Variants in SUFU observed in about 807,000 individuals in gnomAD.
The protein encoded by SUFU is SUFU negative regulator of hedgehog signaling.
Under a neutral mutation model 58.9 loss-of-function variants are expected in SUFU, and 7 were observed. The ratio of observed to expected loss-of-function variants is 0.12; its 90% confidence interval spans 0.07 to 0.22. SUFU has a LOEUF of 0.22. SUFU is among the 10% of genes least tolerant of loss of function. SUFU has a pLI of 1.00. For missense variants in SUFU, 451 were observed against 641.3 expected, an observed-to-expected ratio of 0.70 and a Z score of 3.20; for synonymous variants, 232 against 254.8, an observed-to-expected ratio of 0.91 and a Z score of 0.85.
At chr10:102,514,041 C>T (rs1439676878) in intron 2 of SUFU, among the ~76,000 whole-genome samples, 2 of 152,002 alleles carry the variant, frequency 1.3e-5, no homozygotes, top group Non-Finnish European at 2.9e-5. Context: ...TGCACCACCA[C>T]ACCCGGCAAA....
chr10:102,568,987 T>C (rs2063134586), intron 3 of SUFU, among the ~76,000 whole-genome samples: 1 of 138,198 alleles, frequency 7.2e-6, no homozygotes, highest in African/African-American at 2.7e-5. Flanking sequence ...TGTAATTGTA[T>C]GGCATTTCAT....
chr10:102,546,617 G>A (rs943247326), intron 2 of SUFU, among the ~76,000 whole-genome samples: 1 of 152,222 alleles, frequency 6.6e-6, no homozygotes, highest in Admixed American at 6.5e-5. Flanking sequence ...TCCAGACCAA[G>A]CCAGGCCCCT....
chr10:102,593,162 G>T (rs2135868744), intron 4 of SUFU, among the ~76,000 whole-genome samples: 1 of 152,254 alleles, frequency 6.6e-6, no homozygotes, highest in African/African-American at 2.4e-5. Context: ...TTACACAAAG[G>T]CCTATCCCCT....
chr10:102,542,871 G>A (rs555124958), intron 2 of SUFU, among the ~76,000 whole-genome samples: 3 of 151,146 alleles, frequency 2.0e-5, no homozygotes, highest in African/African-American at 7.3e-5. Context: ...GCAATCTACC[G>A]GCTTTGGCCT....
In SUFU at chr10:102,632,823, C is replaced by T. The variant is rs11594179; in HGVS notation, c.*2668C>T. On this transcript the variant is annotated 3_prime_UTR_variant, in exon 12 of 12. Transcript: ENST00000369902. The stretch of plus-strand genomic sequence containing the variant: ...CTCTTTGCCTGCTATATAAGGCAGG[C>T]TCCTGTGGCTCTGCTGGCTCAGTGT... 0.18 allele frequency: 41,489 copies of T among 233,262 alleles called. 4,342 individuals carry two copies. Among genetic ancestry groups the T allele is most frequent in the Non-Finnish European group, 0.22 (26,328 of 118,126 alleles). The allele number at this position is 233,262 out of a possible 1,614,324, so 14.4% of individuals were successfully genotyped here.
intron 2 of SUFU, among the ~76,000 whole-genome samples, chr10:102,511,444 C>G (rs1384175843): frequency 6.6e-6 from 1 of 152,044 alleles, no homozygotes; most frequent in African/African-American, 2.4e-5. Context: ...AGGACTCGTC[C>G]TGTCCTGCCT....
rs3808934 is a variant in SUFU at position 102,504,523 on chromosome 10, C to T, written c.182+189C>T. ...AATGGGGACAAAGGGGTTAACGGAG[C>T]CCGTGGGTACTGAGGGGTTAACCGG... is the stretch of plus-strand genomic sequence containing the variant. On this transcript the variant is annotated intron_variant, in intron 1 of 11. Transcript: ENST00000369902. Among the ~76,000 whole-genome samples the T allele has an allele frequency of 0.35, 52,884 of 150,844 alleles. 9,414 individuals are homozygous for T. Among genetic ancestry groups the T allele is most frequent in the African/African-American group, 0.39 (15,977 of 40,958 alleles).
At chr10:102,602,265 T>C (rs1033954764) in intron 8 of SUFU, among the ~76,000 whole-genome samples, 1 of 152,224 alleles carries the variant, frequency 6.6e-6, no homozygotes, top group Non-Finnish European at 1.5e-5. Flanking sequence ...TAGAGCTTAG[T>C]TACAGCCATC....
At chr10:102,587,321 AG>A (rs1226310138) in intron 3 of SUFU, among the ~76,000 whole-genome samples, 3 of 152,194 alleles carry the variant, frequency 2.0e-5, no homozygotes, top group African/African-American at 7.2e-5. Context: ...ATATTCCACC[AG>A]CAATGCACAC....
intron 2 of SUFU, among the ~76,000 whole-genome samples, chr10:102,538,032 C>T (rs2062761397): frequency 2.0e-5 from 3 of 152,122 alleles, no homozygotes; most frequent in Admixed American, 6.6e-5. Flanking sequence ...GTGTAAGGGT[C>T]CTAATTTCAT....
chr10:102,588,767 G>A (rs1304284220), intron 3 of SUFU, among the ~76,000 whole-genome samples: 4 of 152,142 alleles, frequency 2.6e-5, no homozygotes, highest in Non-Finnish European at 4.4e-5. Flanking sequence ...ATATTTTTCC[G>A]TTTATGTAGG....
intron 8 of SUFU, among the ~76,000 whole-genome samples, chr10:102,608,584 G>A (rs1211043539): frequency 6.6e-6 from 1 of 152,152 alleles, no homozygotes; most frequent in Non-Finnish European, 1.5e-5. Context: ...ATAATGGGGG[G>A]AACTTGGCTG....
chr10:102,628,610 G>A lies in SUFU; in HGVS notation c.1365+1367G>A, dbSNP rs926224554. On this transcript the variant is annotated intron_variant, in intron 11 of 11. Transcript: ENST00000369902. The surrounding 1 kb of genome is among the most constrained non-coding windows in gnomAD (Gnocchi z 4.5). ...CAGGCAAGAGGGACAGAAGCCTGGGGGAGCAGAGGAAAGTAGGTCACTAAA... is the reference window on the plus strand; with the variant it reads ...CAGGCAAGAGGGACAGAAGCCTGGGAGAGCAGAGGAAAGTAGGTCACTAAA... Among the ~76,000 whole-genome samples, 3 of 152,162 alleles carry A rather than the reference G, an allele frequency of 2.0e-5. No homozygotes were observed. Among genetic ancestry groups the A allele is most frequent in the Non-Finnish European group, 4.4e-5 (3 of 68,038 alleles).
At chr10:102,576,273 AT>A (rs2063211143) in intron 3 of SUFU, among the ~76,000 whole-genome samples, 1 of 151,276 alleles carries the variant, frequency 6.6e-6, no homozygotes. Context: ...AGCTTGCCAG[AT>A]TTTTTTCTAT....
At chr10:102,561,500 G>A (rs2063036833) in intron 3 of SUFU, among the ~76,000 whole-genome samples, 1 of 152,112 alleles carries the variant, frequency 6.6e-6, no homozygotes, top group Admixed American at 6.5e-5. Context: ...CTCCTGAGTA[G>A]CTGGGATTAC....
intron 2 of SUFU, among the ~76,000 whole-genome samples, chr10:102,541,651 G>T (rs569220602): frequency 6.8e-6 from 1 of 146,796 alleles, no homozygotes; most frequent in Non-Finnish European, 1.5e-5. Context: ...TGCCTGCCTC[G>T]GCCTCCCAAA....
In SUFU at chr10:102,614,919, G is replaced by C. The variant is rs112544110; in HGVS notation, c.1023-349G>C. On this transcript the variant is annotated intron_variant, in intron 8 of 11. Coordinates refer to ENST00000369902, the MANE Select transcript of SUFU (RefSeq NM_016169.4). ...AATAGAATGTTGGCCAAAGATGCAGGCTTTATAGAATCAGACCTGCCCGAG... is the reference window on the plus strand; with the variant it reads ...AATAGAATGTTGGCCAAAGATGCAGCCTTTATAGAATCAGACCTGCCCGAG... 5.3e-5 allele frequency among the ~76,000 whole-genome samples: 8 copies of C among 151,814 alleles called. 1 individual carries two copies. Among genetic ancestry groups the C allele is most frequent in the African/African-American group, 1.9e-4 (8 of 41,380 alleles).
At chr10:102,610,565 T>A (rs1326999089) in intron 8 of SUFU, among the ~76,000 whole-genome samples, 1 of 152,010 alleles carries the variant, frequency 6.6e-6, no homozygotes, top group African/African-American at 2.4e-5. Context: ...GCCGTGGCGA[T>A]GGGAAGGTTG....
At chr10:102,593,866 G>C in intron 5 of SUFU, 127 bp from the exon 6 acceptor site, 2 of 1,383,340 alleles carry the variant, frequency 1.4e-6, no homozygotes, top group Non-Finnish European at 2.0e-6. Flanking sequence ...CTCACTCCCT[G>C]ACAGTCCCTG....
Sources: allele counts gnomAD v4.1 joint callset (sites outside exome capture counted in the v4.1 genomes callset), GRCh38; gene constraint gnomAD v4.1.1; non-coding constraint Gnocchi (gnomAD v3.1); transcripts MANE v1.5; gene names NCBI Gene and HGNC (gene_info 2026-07-23, HGNC 2026-07-21).